Variants in CDK14 observed in about 807,000 individuals in gnomAD.
CDK14 encodes the protein cyclin-dependent kinase 14.
CDK14 carries 34 observed loss-of-function variants against 60.7 expected under a neutral mutation model. The observed-to-expected ratio is 0.56, with a 90% CI of 0.43 to 0.75. CDK14 has a LOEUF of 0.75. Ranked by LOEUF, CDK14 falls within the 30% of genes least tolerant of loss-of-function variation. CDK14 has a pLI of 0.00. For missense variants in CDK14, 482 were observed against 564.1 expected, an observed-to-expected ratio of 0.85 and a Z score of 1.47; for synonymous variants, 197 against 203.7, an observed-to-expected ratio of 0.97 and a Z score of 0.28.
chr7:90,992,708 T>C (rs1333192136), intron 10 of CDK14, among the ~76,000 whole-genome samples: 1 of 152,124 alleles, frequency 6.6e-6, no homozygotes, highest in African/African-American at 2.4e-5. Flanking sequence ...TTGGGTGGGT[T>C]TAATGATAAT....
Position 90,596,397 on chromosome 7 carries a change from C to G in CDK14, c.-231C>G. ...CGGCGGCGGCGAGCGCGGCCGCCCCCGGCACCACGTAAACCGCCCCCGCCC... is the reference window on the plus strand; with the variant it reads ...CGGCGGCGGCGAGCGCGGCCGCCCCGGGCACCACGTAAACCGCCCCCGCCC... On this transcript the variant is annotated 5_prime_UTR_variant, in exon 1 of 15. Transcript: ENST00000380050. 2 of 245,812 alleles carry G rather than the reference C, an allele frequency of 8.1e-6. No individual in the cohort carries two copies. The highest frequency in any genetic ancestry group is 1.5e-5 in the Non-Finnish European group (2 of 129,254). 15.2% of individuals were successfully genotyped at this position (245,812 alleles called of 1,614,324 possible). A position where few individuals can be genotyped will look rare whatever the true frequency, so the allele number is the denominator to read the frequency against.
At chr7:90,894,562 G>A (rs1416261021) in intron 6 of CDK14, among the ~76,000 whole-genome samples, 2 of 152,082 alleles carry the variant, frequency 1.3e-5, no homozygotes, top group East Asian at 3.9e-4. Context: ...TGGAGGATCA[G>A]GAATTTTTTT....
intron 14 of CDK14, among the ~76,000 whole-genome samples, chr7:91,194,429 T>C (rs1802468727): frequency 6.6e-6 from 1 of 152,310 alleles, no homozygotes; most frequent in East Asian, 1.9e-4. Flanking sequence ...CTGATTGGGC[T>C]GATTTTTTTT....
At chr7:91,059,205 G>T (rs1273448866) in intron 11 of CDK14, among the ~76,000 whole-genome samples, 1 of 152,208 alleles carries the variant, frequency 6.6e-6, no homozygotes, top group East Asian at 1.9e-4. Flanking sequence ...GGTGTTTGTA[G>T]TATTCTCTGA....
intron 11 of CDK14, among the ~76,000 whole-genome samples, chr7:91,065,195 C>T (rs1409967671): frequency 1.3e-5 from 2 of 152,092 alleles, no homozygotes; most frequent in Non-Finnish European, 2.9e-5. Context: ...TTTAGCCTCA[C>T]GGGTAAAGGA....
At chr7:90,807,653 C>T (rs571548134) in intron 5 of CDK14, among the ~76,000 whole-genome samples, 8 of 152,108 alleles carry the variant, frequency 5.3e-5, no homozygotes, top group South Asian at 4.1e-4. Flanking sequence ...AGGCTTCAGA[C>T]GATCAAACTA....
intron 2 of CDK14, among the ~76,000 whole-genome samples, chr7:90,714,376 C>G (rs1243175382): frequency 6.6e-6 from 1 of 152,024 alleles, no homozygotes; most frequent in African/African-American, 2.4e-5. Flanking sequence ...GTGTATCCCA[C>G]TGCTGTGCTC....
chr7:91,141,465 A>T (rs1800455288), intron 14 of CDK14, among the ~76,000 whole-genome samples: 1 of 152,140 alleles, frequency 6.6e-6, no homozygotes, highest in East Asian at 1.9e-4. Flanking sequence ...AGAGAAAGAG[A>T]GATAGAAATT....
At chr7:90,635,139 T>C (rs1584756574) in intron 2 of CDK14, among the ~76,000 whole-genome samples, 1 of 152,218 alleles carries the variant, frequency 6.6e-6, no homozygotes, top group East Asian at 1.9e-4. Flanking sequence ...TTAGTTTAAT[T>C]AGATCCCATT....
intron 4 of CDK14, among the ~76,000 whole-genome samples, chr7:90,778,908 C>CCT: frequency 1.4e-5 from 2 of 142,866 alleles, no homozygotes; most frequent in African/African-American, 5.2e-5. Context: ...TCTTTTCTCT[C>CCT]TCCTCTCTCT....
intron 8 of CDK14, among the ~76,000 whole-genome samples, chr7:90,955,020 T>C (rs1341228026): frequency 1.3e-5 from 2 of 152,054 alleles, no homozygotes; most frequent in African/African-American, 2.4e-5. Context: ...GTATACCTTT[T>C]CACTTAACAT....
At chr7:90,996,921 G>A (rs185864299) in intron 10 of CDK14, among the ~76,000 whole-genome samples, 158 of 152,234 alleles carry the variant, frequency 1.0e-3, no homozygotes, top group African/African-American at 3.5e-3. Flanking sequence ...TTTCATGTTG[G>A]TCAATCCCTG....
intron 12 of CDK14, among the ~76,000 whole-genome samples, chr7:91,091,799 G>GTT (rs11426573): frequency 4.0e-5 from 6 of 148,944 alleles, no homozygotes; most frequent in Admixed American, 6.7e-5. Flanking sequence ...AATCAGATGA[G>GTT]TTTTTTTTTC....
At chr7:90,974,235 T>C (rs1234667856) in intron 9 of CDK14, among the ~76,000 whole-genome samples, 4 of 152,162 alleles carry the variant, frequency 2.6e-5, no homozygotes, top group African/African-American at 4.8e-5. Flanking sequence ...TTATCTTTCC[T>C]TGTTCCCTGA....
intron 2 of CDK14, among the ~76,000 whole-genome samples, chr7:90,607,346 C>T (rs1262986423): frequency 6.6e-6 from 1 of 152,156 alleles, no homozygotes; most frequent in Admixed American, 6.6e-5. Flanking sequence ...TAAGGTGTGG[C>T]AACTCTCCTT....
At chr7:90,888,350 A>AAATAAT (rs996241487) in intron 6 of CDK14, among the ~76,000 whole-genome samples, 1 of 152,114 alleles carries the variant, frequency 6.6e-6, no homozygotes, top group East Asian at 1.9e-4. Context: ...CTCCATCTAA[A>AAATAAT]AATAATAATA....
At chr7:90,626,571 T>C (rs1352756785) in intron 2 of CDK14, among the ~76,000 whole-genome samples, 1 of 152,238 alleles carries the variant, frequency 6.6e-6, no homozygotes, top group African/African-American at 2.4e-5. Context: ...TCTAATGAGC[T>C]TCTCGACCAG....
At chr7:90,765,834 A>G (rs1466485129) in intron 4 of CDK14, among the ~76,000 whole-genome samples, 1 of 152,210 alleles carries the variant, frequency 6.6e-6, no homozygotes, top group Non-Finnish European at 1.5e-5. Context: ...GACTATGACA[A>G]AGGAGTCAGT....
chr7:90,815,287 A>G (rs1486186003), intron 5 of CDK14, among the ~76,000 whole-genome samples: 1 of 152,236 alleles, frequency 6.6e-6, no homozygotes, highest in Non-Finnish European at 1.5e-5. Flanking sequence ...GCAGTAATGA[A>G]AATGGCCATA....
Sources: gnomAD v4.1 joint callset for allele counts (sites outside exome capture counted in the v4.1 genomes callset) on GRCh38, gnomAD v4.1.1 for gene constraint, MANE v1.5 for transcripts, NCBI Gene and HGNC (gene_info 2026-07-23, HGNC 2026-07-21) for gene names.